The following DGAT2 variants were observed in gnomAD, a reference collection of about 807,000 sequenced individuals.
The protein encoded by DGAT2 is acyl-CoA retinol O-fatty-acyltransferase.
DGAT2 carries 33 observed loss-of-function variants against 48.4 expected under a neutral mutation model. That is an observed-to-expected ratio of 0.68 (90% confidence interval 0.52 to 0.91). The LOEUF is 0.91. DGAT2 is among the 40% of genes least tolerant of loss of function. The pLI, the probability that DGAT2 is intolerant of heterozygous loss-of-function variation, is 0.00. For synonymous variants in DGAT2, 191 were observed against 194.1 expected (o/e 0.98, Z 0.13); for missense variants, 446 against 493.7 (o/e 0.90, Z 0.92).
rs1945102742 is a variant in DGAT2 at position 75,800,611 on chromosome 11, A to C, written c.*103A>C. ...GGTGTCTGTGGGTTATTTAAAAGAA[A>C]TTATAACAATTTTGCTAAACCATTA... On this transcript the variant is annotated 3_prime_UTR_variant, in exon 8 of 8. Coordinates refer to ENST00000228027, the MANE Select transcript of DGAT2 (RefSeq NM_032564.5). 4 of 1,367,356 alleles carry C rather than the reference A, an allele frequency of 2.9e-6. No individual in the cohort carries two copies. In the Admixed American group the frequency reaches 8.1e-5, roughly 28 times the overall value. The allele number at this position is 1,367,356 out of a possible 1,614,324, so 84.7% of individuals were successfully genotyped here.
chr11:75,790,052 C>A, intron 2 of DGAT2, 136 bp from the exon 3 acceptor site: 1 of 690,694 alleles, frequency 1.4e-6, no homozygotes. Flanking sequence ...AGCTATTTCT[C>A]AGGGTTTGTG....
intron 1 of DGAT2, among the ~76,000 whole-genome samples, chr11:75,779,858 T>G (rs1376289627): frequency 1.3e-5 from 2 of 152,214 alleles, no homozygotes; most frequent in African/African-American, 4.8e-5. Context: ...GTGATGGGGC[T>G]GGTTTTGCCT....
chr11:75,770,160 T>C (rs1207966529), intron 1 of DGAT2, among the ~76,000 whole-genome samples: 1 of 152,236 alleles, frequency 6.6e-6, no homozygotes, highest in Non-Finnish European at 1.5e-5. Flanking sequence ...ATGCTGTAGA[T>C]ATAGTTATGA....
chr11:75,782,234 T>G (rs1944874175), intron 1 of DGAT2, among the ~76,000 whole-genome samples: 1 of 152,140 alleles, frequency 6.6e-6, no homozygotes. Context: ...ACTGAAGCAT[T>G]TATAGTGGTG....
rs1025294063 is a variant in DGAT2 at position 75,781,695 on chromosome 11, G to A, written c.122-2923G>A. Among the ~76,000 whole-genome samples, 7 of 152,176 alleles carry A rather than the reference G, an allele frequency of 4.6e-5. 1 individual carries two copies. The highest frequency in any genetic ancestry group is 4.1e-4 in the South Asian group (2 of 4,822). On this transcript the variant is annotated intron_variant, in intron 1 of 7. Transcript: ENST00000228027. ...CTTGTTGGCAGAGCGAGCTGTGGGC[G>A]GTAGTTGGGGCTGGATAAGGCAGGG...
At chr11:75,799,461 T>G (rs1590878361) in intron 7 of DGAT2, among the ~76,000 whole-genome samples, 1 of 152,196 alleles carries the variant, frequency 6.6e-6, no homozygotes, top group South Asian at 2.1e-4. Context: ...GGAAGAGATG[T>G]GCATGATTTG....
At chr11:75,775,409 A>T (rs1010044875) in intron 1 of DGAT2, among the ~76,000 whole-genome samples, 2 of 152,270 alleles carry the variant, frequency 1.3e-5, no homozygotes, top group African/African-American at 4.8e-5. Context: ...CCTTTGGGCC[A>T]GATGTCCCAG....
chr11:75,778,459 A>T (rs1242727434), intron 1 of DGAT2, among the ~76,000 whole-genome samples: 5 of 151,740 alleles, frequency 3.3e-5, no homozygotes, highest in Non-Finnish European at 5.9e-5. Flanking sequence ...ACTCCTTCCC[A>T]CTCTGGAGAT....
At position 75,800,633 on chromosome 11, in the gene DGAT2, A is replaced by G; in HGVS notation, c.*125A>G. On this transcript the variant is annotated 3_prime_UTR_variant, in exon 8 of 8. Transcript: ENST00000228027. ...GAAATTATAACAATTTTGCTAAACC[A>G]TTACAATGTTAGGTCTTTTTTAAGA... The G allele has an allele frequency of 8.3e-7, 1 of 1,198,998 alleles. No individual in the cohort carries two copies. The highest frequency in any genetic ancestry group is 1.1e-6 in the Non-Finnish European group (1 of 876,022). 74.3% of individuals were successfully genotyped at this position (1,198,998 alleles called of 1,614,324 possible). A position where few individuals can be genotyped will look rare whatever the true frequency, so the allele number is the denominator to read the frequency against.
In DGAT2 at chr11:75,796,475, G is replaced by A. The variant is rs559866051; in HGVS notation, c.577G>A (p.Ala193Thr). The A allele has an allele frequency of 7.6e-5, 123 of 1,613,844 alleles. 3 individuals are homozygous for A. The South Asian group carries it at 1.3e-3, about 17-fold the overall frequency. Residue 193 changes from alanine to threonine, a missense_variant, in exon 5 of 8, where the codon GCT (alanine) becomes ACT (threonine). By Grantham distance (58) the Ala-to-Thr change is moderately conservative (BLOSUM62 0). Transcript: ENST00000228027. ...KKFPGIRPYL[A>T]TLAGNFRMPV... Reference sequence around the variant, plus strand: ...GTTCCCAGGCATACGGCCTTACCTGGCTACACTGGCAGGCAACTTCCGAAT... The same window carrying A: ...GTTCCCAGGCATACGGCCTTACCTGACTACACTGGCAGGCAACTTCCGAAT...
At position 75,798,096 on chromosome 11, in the gene DGAT2, G is replaced by A. The variant is rs549197805; in HGVS notation, c.810-131G>A. The stretch of plus-strand genomic sequence containing the variant: ...GGTAGAGAGGGATCATGTGAACTTG[G>A]GACACCCAGGTAATTCTGGTACACC... On this transcript the variant is annotated intron_variant, in intron 6 of 7. Coordinates refer to ENST00000228027, the MANE Select transcript of DGAT2 (RefSeq NM_032564.5). 6.7e-5 allele frequency: 60 copies of A among 889,100 alleles called. No homozygotes were observed. In the African/African-American group the frequency reaches 7.8e-4, roughly 12 times the overall value. The allele number at this position is 889,100 out of a possible 1,614,324, so 55.1% of individuals were successfully genotyped here.
chr11:75,798,568 G>T (rs984628661), intron 7 of DGAT2, 139 bp downstream of exon 7: 3 of 970,634 alleles, frequency 3.1e-6, no homozygotes. Flanking sequence ...TTGAAGTGTT[G>T]GGTGCTGATA....
At chr11:75,789,948 G>C (rs772597817) in intron 2 of DGAT2, among the ~76,000 whole-genome samples, 7 of 152,194 alleles carry the variant, frequency 4.6e-5, no homozygotes, top group Non-Finnish European at 1.0e-4. Flanking sequence ...TGGAGCCCAT[G>C]GGCCCCTCGA....
In DGAT2 at chr11:75,801,156, C is replaced by G. The variant is rs1945108879; in HGVS notation, c.*648C>G. The stretch of plus-strand genomic sequence containing the variant: ...AAGGACTGCCCCCCATGCACCATTG[C>G]AGGGAGGATGCCGCCACCATGAGCT... On this transcript the variant is annotated 3_prime_UTR_variant, in exon 8 of 8. Coordinates refer to ENST00000228027, the MANE Select transcript of DGAT2 (RefSeq NM_032564.5). 6.5e-6 allele frequency: 1 copy of G among 153,012 alleles called. No individual in the cohort carries two copies. The highest frequency in any genetic ancestry group is 1.5e-5 in the Non-Finnish European group (1 of 68,390). The allele number at this position is 153,012 out of a possible 1,614,324, so 9.5% of individuals were successfully genotyped here. A position where few individuals can be genotyped will look rare whatever the true frequency, so the allele number is the denominator to read the frequency against.
intron 4 of DGAT2, chr11:75,796,111 C>T: frequency 3.4e-6 from 2 of 583,762 alleles, no homozygotes; most frequent in Non-Finnish European, 6.2e-6. Context: ...ACATTGCCCA[C>T]CCCTTCCCAG....
intron 6 of DGAT2, among the ~76,000 whole-genome samples, chr11:75,797,839 C>T (rs1193003032): frequency 6.6e-6 from 1 of 152,112 alleles, no homozygotes; most frequent in Admixed American, 6.5e-5. Context: ...GAGGGATGGA[C>T]AGTGACAACA....
rs774777474 is a variant in DGAT2 at position 75,797,226 on chromosome 11, A to G, written c.703A>G (p.Ile235Val). 1 of 1,581,444 alleles carries G rather than the reference A, an allele frequency of 6.3e-7. No homozygotes were observed. Among genetic ancestry groups the G allele is most frequent in the Non-Finnish European group, 8.6e-7 (1 of 1,163,262 alleles). Residue 235 changes from isoleucine (I) to valine (V), a missense_variant, in exon 6 of 8, where the codon ATC (isoleucine) becomes GTC (valine). Coordinates refer to ENST00000228027, the MANE Select transcript of DGAT2 (RefSeq NM_032564.5). ...AAAGAATGGGAGTGGCAATGCTATC[A>G]TCATCGTGGTCGGGGGTGCGGCTGA... The part of the protein sequence containing the change: ...LSKNGSGNAI[I>V]IVVGGAAESL...
At chr11:75,787,388 A>G (rs1056636039) in intron 2 of DGAT2, among the ~76,000 whole-genome samples, 3 of 152,254 alleles carry the variant, frequency 2.0e-5, no homozygotes, top group African/African-American at 7.2e-5. Context: ...CTCAGAGTCC[A>G]TGCTCTTCAC....
chr11:75,783,804 G>T (rs545643878), intron 1 of DGAT2, among the ~76,000 whole-genome samples: 2 of 152,252 alleles, frequency 1.3e-5, no homozygotes, highest in East Asian at 1.9e-4. Flanking sequence ...GGAGTCCAGG[G>T]TGTCATCCTA....
Sources: gnomAD v4.1 joint callset for allele counts (sites outside exome capture counted in the v4.1 genomes callset) on GRCh38, gnomAD v4.1.1 for gene constraint, MANE v1.5 for transcripts, NCBI Gene and HGNC (gene_info 2026-07-23, HGNC 2026-07-21) for gene names.